The following SRD5A2 variants were observed in gnomAD, a reference collection of about 807,000 sequenced individuals.
SRD5A2 encodes 3-oxo-5-alpha-steroid 4-dehydrogenase 2.
Under a neutral mutation model 27.4 loss-of-function variants are expected in SRD5A2, and 30 were observed. That is an observed-to-expected ratio of 1.10 (90% CI 0.82 to 1.49). The LOEUF (loss-of-function observed/expected upper bound fraction) is 1.49, where lower values mean the gene tolerates loss of function less well. Ranked by LOEUF, SRD5A2 falls within the 40% of genes most tolerant of loss-of-function variation. The pLI, the probability that SRD5A2 is intolerant of heterozygous loss-of-function variation, is 0.00. For missense variants in SRD5A2, 348 were observed against 323.4 expected (o/e 1.08, Z -0.58); for synonymous variants, 141 against 133.6 (o/e 1.06, Z -0.38).
the SRD5A2 span, among the ~76,000 whole-genome samples, chr2:31,602,398 A>C: frequency 1.3e-5 from 2 of 152,118 alleles, no homozygotes; most frequent in Non-Finnish European, 2.9e-5. Flanking sequence ...CTGCTCAAAG[A>C]AATAAGAGAG....
the SRD5A2 span, among the ~76,000 whole-genome samples, chr2:31,660,936 C>G: frequency 6.6e-6 from 1 of 152,004 alleles, no homozygotes; most frequent in Non-Finnish European, 1.5e-5. Context: ...TGGTTCATGG[C>G]CCCAAAAGAA....
chr2:31,638,158 A>C, the SRD5A2 span, among the ~76,000 whole-genome samples: 5 of 152,008 alleles, frequency 3.3e-5, no homozygotes, highest in African/African-American at 9.7e-5. Context: ...GAAATTTTTA[A>C]ATTTTCTTCT....
chr2:31,542,111 A>G (rs1252911853), intron 1 of SRD5A2, among the ~76,000 whole-genome samples: 1 of 152,182 alleles, frequency 6.6e-6, no homozygotes, highest in Non-Finnish European at 1.5e-5. Flanking sequence ...TGCTTGTGCC[A>G]TTCCTCCTGC....
chr2:31,657,601 C>T, the SRD5A2 span, among the ~76,000 whole-genome samples: 1 of 152,092 alleles, frequency 6.6e-6, no homozygotes, highest in African/African-American at 2.4e-5. Context: ...AAAGCAACTA[C>T]CACAACCCGA....
intron 3 of SRD5A2, among the ~76,000 whole-genome samples, chr2:31,529,911 G>T (rs534897514): frequency 6.6e-6 from 1 of 152,246 alleles, no homozygotes; most frequent in East Asian, 1.9e-4. Context: ...CTGAACTCAC[G>T]GGAGAAGGAA....
rs758063160 is a variant in SRD5A2, at chr2:31,531,479, AAAG to A, written c.446-10_446-8del. ...AAAATAAATAAGAAGACACCTTGAC[AAAG>A]AAGAGAGAAAGGAGAAATTTTTTTT... is the stretch of plus-strand genomic sequence containing the variant. On this transcript the variant is annotated splice_region_variant and splice_polypyrimidine_tract_variant and intron_variant, in intron 2 of 4. Transcript: ENST00000622030. The A allele has an allele frequency of 7.6e-6, 12 of 1,576,532 alleles. No individual in the cohort carries two copies. The highest frequency in any genetic ancestry group is 1.8e-5 in the Admixed American group (1 of 55,224).
At chr2:31,618,673 G>T in the SRD5A2 span, among the ~76,000 whole-genome samples, 2 of 152,078 alleles carry the variant, frequency 1.3e-5, no homozygotes, top group African/African-American at 2.4e-5. Flanking sequence ...TGAGGCTAAG[G>T]GTAAGAGGGA....
At chr2:31,558,859 T>C (rs1306966610) in intron 1 of SRD5A2, among the ~76,000 whole-genome samples, 6 of 152,226 alleles carry the variant, frequency 3.9e-5, no homozygotes, top group Admixed American at 3.9e-4. Flanking sequence ...GAGTACACTC[T>C]ATGATGTTTG....
chr2:31,659,317 G>A, the SRD5A2 span, among the ~76,000 whole-genome samples: 1 of 152,084 alleles, frequency 6.6e-6, no homozygotes, highest in African/African-American at 2.4e-5. Flanking sequence ...ACATAGTACT[G>A]GAAGTCCTAG....
upstream of SRD5A2, among the ~76,000 whole-genome samples, chr2:31,583,054 T>C (rs1667107928): frequency 6.6e-6 from 1 of 152,244 alleles, no homozygotes; most frequent in South Asian, 2.1e-4. Context: ...ACCAGTCATC[T>C]TCAGCTTATG....
chr2:31,548,895 A>T (rs1303096728), intron 1 of SRD5A2, among the ~76,000 whole-genome samples: 4 of 152,024 alleles, frequency 2.6e-5, no homozygotes, highest in African/African-American at 9.7e-5. Context: ...CAATGGCTTT[A>T]TAAAGGAAGA....
At chr2:31,599,057 TAA>T in the SRD5A2 span, among the ~76,000 whole-genome samples, 2 of 151,856 alleles carry the variant, frequency 1.3e-5, no homozygotes, top group Admixed American at 6.6e-5. Flanking sequence ...GCAAAAATTC[TAA>T]GAGACAAAGA....
At chr2:31,645,625 T>A in the SRD5A2 span, among the ~76,000 whole-genome samples, 1 of 152,170 alleles carries the variant, frequency 6.6e-6, no homozygotes, top group Non-Finnish European at 1.5e-5. Flanking sequence ...AAGTTAGAAA[T>A]GTTCATTACA....
At chr2:31,615,717 G>A in the SRD5A2 span, among the ~76,000 whole-genome samples, 2 of 152,288 alleles carry the variant, frequency 1.3e-5, no homozygotes, top group East Asian at 1.9e-4. Context: ...AAGTAATGAG[G>A]AGCCAAATGT....
chr2:31,544,226 C>A (rs1193277932), intron 1 of SRD5A2, among the ~76,000 whole-genome samples: 1 of 151,844 alleles, frequency 6.6e-6, no homozygotes, highest in Non-Finnish European at 1.5e-5. Context: ...AGAGACATTT[C>A]TGCAATAATA....
upstream of SRD5A2, among the ~76,000 whole-genome samples, chr2:31,585,017 G>A (rs1334058993): frequency 6.6e-6 from 1 of 152,186 alleles, no homozygotes; most frequent in Non-Finnish European, 1.5e-5. Flanking sequence ...CATCAATGGT[G>A]AGGCATTAAA....
At chr2:31,597,253 G>A in the SRD5A2 span, among the ~76,000 whole-genome samples, 77 of 152,062 alleles carry the variant, frequency 5.1e-4, no homozygotes, top group Non-Finnish European at 9.1e-4. Flanking sequence ...ATGGTGCTGG[G>A]ATAATTGGCA....
chr2:31,636,691 G>A, the SRD5A2 span, among the ~76,000 whole-genome samples: 2 of 152,018 alleles, frequency 1.3e-5, no homozygotes, highest in East Asian at 1.9e-4. Flanking sequence ...AAGGGGTGCC[G>A]AATTTTATCA....
In SRD5A2 at chr2:31,529,336, G is replaced by T; in HGVS notation, c.669C>A (p.Phe223Leu). 1 of 1,613,834 alleles carries T rather than the reference G, an allele frequency of 6.2e-7. No homozygotes were observed. The highest frequency in any genetic ancestry group is 8.5e-7 in the Non-Finnish European group (1 of 1,179,802). ...GGTGGTGAAAAGCTCGCAGCCCAAG[G>T]AAACAAAGTGAGAAAAATGCAAATG... ...ALAFAFFSLC[F>L]LGLRAFHHHR... Residue 223 changes from phenylalanine to leucine, a missense_variant, in exon 4 of 5, where the codon TTC becomes TTA. Transcript: ENST00000622030.
Sources: allele counts gnomAD v4.1 joint callset (sites outside exome capture counted in the v4.1 genomes callset), GRCh38; gene constraint gnomAD v4.1.1; transcripts MANE v1.5; gene names NCBI Gene and HGNC (gene_info 2026-07-23, HGNC 2026-07-21).